PRPF3: variants seen among roughly 807,000 people sequenced by gnomAD.
PRPF3 encodes pre-mRNA processing factor 3.
A neutral mutation model predicts 89.2 loss-of-function variants in PRPF3; 3 were observed. The observed-to-expected ratio is 0.03, with a 90% CI of 0.02 to 0.09. The LOEUF is 0.09. Ranked by LOEUF, PRPF3 falls within the 10% of genes least tolerant of loss-of-function variation. The pLI, the probability that PRPF3 is intolerant of heterozygous loss-of-function variation, is 1.00. For missense variants in PRPF3, 463 were observed against 828.8 expected (o/e 0.56, Z 5.42); for synonymous variants, 270 against 289.1 (o/e 0.93, Z 0.67).
At chr1:150,322,585 G>A (rs7525095) in intron 1 of PRPF3, among the ~76,000 whole-genome samples, 1 of 152,150 alleles carries the variant, frequency 6.6e-6, no homozygotes, top group African/African-American at 2.4e-5. Context: ...AATTACTCAC[G>A]TAACTTGTCA....
intron 14 of PRPF3, among the ~76,000 whole-genome samples, chr1:150,348,154 G>A (rs781900328): frequency 2.0e-5 from 3 of 151,882 alleles, no homozygotes; most frequent in East Asian, 3.9e-4. Flanking sequence ...AGGCCGAGGC[G>A]GGTGGATCAC....
Position 150,335,182 on chromosome 1 carries a change from A to G in PRPF3, c.976A>G (p.Thr326Ala), listed in dbSNP as rs782792715. The G allele has an allele frequency of 1.3e-5, 21 of 1,614,030 alleles. No individual in the cohort carries two copies. In the East Asian group the frequency reaches 4.5e-4, roughly 34 times the overall value. The change falls in exon 7 of 16, where the codon ACT becomes GCT. Residue 326 changes from threonine to alanine, a missense_variant. Coordinates refer to ENST00000324862, the MANE Select transcript of PRPF3 (RefSeq NM_004698.4). Reference protein sequence around the residue: ...SIAPSQRQRRTFKFHDKGKFE... With the variant: ...SIAPSQRQRRAFKFHDKGKFE... ...TGCCCCTTCCCAGCGCCAGAGACGC[A>G]CTTTTAAATTCCATGACAAGGGCAA... is the stretch of plus-strand genomic sequence containing the variant.
At chr1:150,332,554 G>A (rs1656529444) in intron 4 of PRPF3, 130 bp from the exon 5 acceptor site, 2 of 884,134 alleles carry the variant, frequency 2.3e-6, no homozygotes, top group Non-Finnish European at 3.7e-6. Context: ...TGTGGTGCAG[G>A]CAGAATGTGG....
chr1:150,347,305 TAC>T (rs782587929), intron 14 of PRPF3, among the ~76,000 whole-genome samples: 18 of 151,856 alleles, frequency 1.2e-4, no homozygotes, highest in East Asian at 3.9e-4. Context: ...TACACACATG[TAC>T]ACACACATAC....
intron 9 of PRPF3, 41 bp downstream of exon 9, chr1:150,340,518 T>C: frequency 6.9e-7 from 1 of 1,454,422 alleles, no homozygotes. Context: ...AGAGCAGCAT[T>C]ACCCATTGGA....
In PRPF3 at chr1:150,348,652, G is replaced by A. The variant is rs1050617315; in HGVS notation, c.1844-505G>A. 1.6e-4 allele frequency: 26 copies of A among 160,248 alleles called. 1 individual carries two copies. Among genetic ancestry groups the A allele is most frequent in the Admixed American group, 6.0e-5 (1 of 16,616 alleles). The allele number at this position is 160,248 out of a possible 1,614,324, so 9.9% of individuals were successfully genotyped here. On this transcript the variant is annotated intron_variant, in intron 14 of 15. Coordinates refer to ENST00000324862, the MANE Select transcript of PRPF3 (RefSeq NM_004698.4). ...TAATTTTTGTATTTTTAGTAGAGAT[G>A]AGGTTTCGCCATGTTGGCTAGGCTG...
intron 12 of PRPF3, 93 bp downstream of exon 12, chr1:150,344,640 C>G: frequency 7.6e-7 from 1 of 1,314,812 alleles, no homozygotes; most frequent in Non-Finnish European, 1.1e-6. Flanking sequence ...AAAAGCATAC[C>G]TAACACCAGT....
At chr1:150,332,663 A>G (rs1553865919) in intron 4 of PRPF3, 21 bp from the exon 5 acceptor site, 1 of 1,613,466 alleles carries the variant, frequency 6.2e-7, no homozygotes, top group South Asian at 1.1e-5. Flanking sequence ...ACAGTTTTTC[A>G]ATTTTTTTCC....
rs907184088 is a variant in PRPF3, at chr1:150,343,354, A to G, written c.1328A>G (p.Lys443Arg). ...ACTCTGGGAGTATATCTTACCAAGA[A>G]GGAACAGAAAAAACTTCGGAGACAA... ...PVTLGVYLTK[K>R]EQKKLRRQTR... Residue 443 changes from lysine to arginine, a missense_variant, in exon 10 of 16, where the codon AAG (lysine) becomes AGG (arginine). Coordinates refer to ENST00000324862, the MANE Select transcript of PRPF3 (RefSeq NM_004698.4). The G allele has an allele frequency of 1.8e-5, 28 of 1,585,842 alleles. No individual in the cohort carries two copies. The African/African-American group carries it at 3.2e-4, about 18-fold the overall frequency.
rs374207797 is a variant in PRPF3, at chr1:150,338,350, T to TA, written c.1202+31dup. 2,899 of 1,609,940 alleles carry TA rather than the reference T, an allele frequency of 1.8e-3. 41 individuals are homozygous for TA. In the African/African-American group the frequency reaches 0.033, roughly 19 times the overall value. On this transcript the variant is annotated intron_variant, in intron 8 of 15. Coordinates refer to ENST00000324862, the MANE Select transcript of PRPF3 (RefSeq NM_004698.4). ...CTGTGAGTTTGTTTTAGTACCTTTTTAAAAAAACAGTTTTTAATCAGCTGA... is the reference window on the plus strand; with the variant it reads ...CTGTGAGTTTGTTTTAGTACCTTTTTAAAAAAAACAGTTTTTAATCAGCTGA...
chr1:150,352,594 GGCGGAGCTTGCAGTGA>G (rs1659048993), intron 15 of PRPF3, among the ~76,000 whole-genome samples: 2 of 152,178 alleles, frequency 1.3e-5, no homozygotes, highest in African/African-American at 2.4e-5. Flanking sequence ...GAACCCGGGA[GGCGGAGCTTGCAGTGA>G]GCCGAGATCG....
chr1:150,342,592 G>T (rs944869447), intron 9 of PRPF3, among the ~76,000 whole-genome samples: 1 of 151,648 alleles, frequency 6.6e-6, no homozygotes, highest in African/African-American at 2.4e-5. Flanking sequence ...GCACAATCTC[G>T]GCTCACTGCA....
intron 14 of PRPF3, 90 bp from the exon 15 acceptor site, chr1:150,349,067 T>A (rs1468149848): frequency 5.6e-6 from 6 of 1,063,204 alleles, no homozygotes; most frequent in Non-Finnish European, 8.8e-6. Flanking sequence ...AAAAGGGTGA[T>A]AATATTTTAG....
At chr1:150,323,880 GATTCTCTT>G (rs1655394454) in intron 1 of PRPF3, among the ~76,000 whole-genome samples, 1 of 149,860 alleles carries the variant, frequency 6.7e-6, no homozygotes, top group African/African-American at 2.5e-5. Flanking sequence ...GGGTTCAAGT[GATTCTCTT>G]GTCTCAGCCT....
rs782126020 is a variant in PRPF3, at chr1:150,325,020, A to G, written c.78A>G (p.Ser26=). 1.2e-6 allele frequency: 2 copies of G among 1,613,900 alleles called. No individual in the cohort carries two copies. Among genetic ancestry groups the G allele is most frequent in the South Asian group, 2.2e-5 (2 of 91,080 alleles). ...EKTVKRVLGF[S]EPTVVTAALN... Reference sequence around the variant, plus strand: ...CAGTGAAGAGGGTCCTGGGTTTCTCAGAGCCTACGGTGGTCACAGCAGCAT... The same window carrying G: ...CAGTGAAGAGGGTCCTGGGTTTCTCGGAGCCTACGGTGGTCACAGCAGCAT... Residue 26 remains serine (S), a synonymous_variant, in exon 2 of 16, where the codon TCA becomes TCG. Coordinates refer to ENST00000324862, the MANE Select transcript of PRPF3 (RefSeq NM_004698.4).
chr1:150,323,144 G>A (rs1473398581), intron 1 of PRPF3, among the ~76,000 whole-genome samples: 1 of 137,036 alleles, frequency 7.3e-6, no homozygotes, highest in Non-Finnish European at 1.5e-5. Flanking sequence ...CAAAGTGTTG[G>A]GATTACAGGC....
intron 8 of PRPF3, among the ~76,000 whole-genome samples, chr1:150,339,492 A>G (rs1351360000): frequency 6.7e-6 from 1 of 148,676 alleles, no homozygotes; most frequent in Non-Finnish European, 1.5e-5. Context: ...GCTGGAGTGC[A>G]GTGGAGCAAT....
rs782127242 is a variant in PRPF3, at chr1:150,352,900, G to A, written c.1973G>A (p.Arg658His). 1.2e-6 allele frequency: 2 copies of A among 1,614,138 alleles called. No individual in the cohort carries two copies. Among genetic ancestry groups the A allele is most frequent in the South Asian group, 1.1e-5 (1 of 91,080 alleles). Reference sequence around the variant, plus strand: ...CAGTGTCCTACAGAGAACATGGCTCGTGAGCATTTCAAAAAGCATGGGGCT... The same window carrying A: ...CAGTGTCCTACAGAGAACATGGCTCATGAGCATTTCAAAAAGCATGGGGCT... ...FKQCPTENMA[R>H]EHFKKHGAEH... Residue 658 changes from arginine to histidine, a missense_variant, in exon 16 of 16, where the codon CGT becomes CAT. By Grantham distance (29) the Arg-to-His change is conservative. Transcript: ENST00000324862.
chr1:150,347,309 C>CACACAT (rs1272599731), intron 14 of PRPF3, among the ~76,000 whole-genome samples: 2 of 151,702 alleles, frequency 1.3e-5, no homozygotes, highest in Admixed American at 6.6e-5. Context: ...CACATGTACA[C>CACACAT]ACACATACAC....
Sources: allele counts gnomAD v4.1 joint callset (sites outside exome capture counted in the v4.1 genomes callset), GRCh38; gene constraint gnomAD v4.1.1; transcripts MANE v1.5; gene names NCBI Gene and HGNC (gene_info 2026-07-23, HGNC 2026-07-21).